The following SIX5 variants were observed in gnomAD, a reference collection of about 807,000 sequenced individuals.
SIX5 encodes homeobox protein SIX5.
Under a neutral mutation model 37.1 loss-of-function variants are expected in SIX5, and 21 were observed. That is an observed-to-expected ratio of 0.57 (90% CI 0.40 to 0.81). SIX5 has a LOEUF of 0.81. Ranked by LOEUF, SIX5 falls within the 40% of genes least tolerant of loss-of-function variation. The probability of loss-of-function intolerance (pLI) is 0.00; values close to 1 mark genes in which losing one functional copy is unlikely to be tolerated. For missense variants in SIX5, 1,137 were observed against 1,025.1 expected (o/e 1.11, Z -1.49); for synonymous variants, 626 against 505.9 (o/e 1.24, Z -3.19).
chr19:45,769,128 C>T lies in SIX5; in HGVS notation c.-284G>A, dbSNP rs929167462. ...GCCTCCCCCCAGCGTGTGCTTCTGG[C>T]TCAGGGCCTCAGTTTCCCCATCGGG... On this transcript the variant is annotated 5_prime_UTR_variant, in exon 1 of 3. Coordinates refer to ENST00000317578, the MANE Select transcript of SIX5 (RefSeq NM_175875.5). 17 of 471,556 alleles carry T rather than the reference C, an allele frequency of 3.6e-5. No individual in the cohort carries two copies. In the East Asian group the frequency reaches 6.3e-4, roughly 18 times the overall value. 29.2% of individuals were successfully genotyped at this position (471,556 alleles called of 1,614,324 possible). A position where few individuals can be genotyped will look rare whatever the true frequency, so the allele number is the denominator to read the frequency against.
chr19:45,767,834 G>A lies in SIX5; in HGVS notation c.803+208C>T, dbSNP rs1239886898. 8 of 589,028 alleles carry A rather than the reference G, an allele frequency of 1.4e-5. No individual in the cohort carries two copies. The East Asian group carries it at 1.7e-4, about 13-fold the overall frequency. 36.5% of individuals were successfully genotyped at this position (589,028 alleles called of 1,614,324 possible). On this transcript the variant is annotated intron_variant, in intron 1 of 2. Coordinates refer to ENST00000317578, the MANE Select transcript of SIX5 (RefSeq NM_175875.5). ...GCTCGGAATGGAGCCGCTGGAAGAG[G>A]AGACGCGTGCGGGGAGAGGGCCCGG...
At chr19:45,767,861 C>A (rs1486984723) in intron 1 of SIX5, 181 bp downstream of exon 1, 1 of 615,626 alleles carries the variant, frequency 1.6e-6, no homozygotes, top group Non-Finnish European at 2.8e-6. Flanking sequence ...AGGGCCCGGG[C>A]GGGTGCCTGT....
Position 45,765,032 on chromosome 19 carries a change from T to G in SIX5, c.*469A>C, listed in dbSNP as rs1600395980. On this transcript the variant is annotated 3_prime_UTR_variant, in exon 3 of 3. Coordinates refer to ENST00000317578, the MANE Select transcript of SIX5 (RefSeq NM_175875.5). ...GCAGGAAATGCCACACTGGGGAGGG[T>G]CTCCAGTCTCAGGGGCGCGGGGCTG... 9 of 204,734 alleles carry G rather than the reference T, an allele frequency of 4.4e-5. No homozygotes were observed. The highest frequency in any genetic ancestry group is 8.7e-5 in the South Asian group (1 of 11,448). 12.7% of individuals were successfully genotyped at this position (204,734 alleles called of 1,614,324 possible). A position where few individuals can be genotyped will look rare whatever the true frequency, so the allele number is the denominator to read the frequency against.
In SIX5 at chr19:45,765,337, C is replaced by T. The variant is rs931303032; in HGVS notation, c.*164G>A. ...GATGGAGACCTGGACAGGAGGTGGC[C>T]GGGGATACAACCCCCAGCACCACCA... On this transcript the variant is annotated 3_prime_UTR_variant, in exon 3 of 3. Transcript: ENST00000317578. The T allele has an allele frequency of 5.1e-5, 49 of 953,276 alleles. No individual in the cohort carries two copies. The highest frequency in any genetic ancestry group is 7.2e-5 in the Non-Finnish European group (43 of 600,926). 59.1% of individuals were successfully genotyped at this position (953,276 alleles called of 1,614,324 possible).
Position 45,768,082 on chromosome 19 carries a change from G to T in SIX5, c.763C>A (p.Arg255Ser). ...CCGCCTCCGGCCCCGGTCCGGTCGC[G>T]CTGTCGCCGGTTCTTGAACCAGTTG... ...VSNWFKNRRQ[R>S]DRTGAGGGAP... The change falls in exon 1 of 3, where the codon CGC becomes AGC. Residue 255 changes from arginine (R) to serine (S), a missense_variant. Physicochemically the swap from Arg to Ser is moderately radical, Grantham distance 110. Transcript: ENST00000317578. 1 of 1,600,400 alleles carries T rather than the reference G, an allele frequency of 6.2e-7. No homozygotes were observed.
chr19:45,769,072 TG>T lies in SIX5; in HGVS notation c.-229del, dbSNP rs1270396132. On this transcript the variant is annotated 5_prime_UTR_variant, in exon 1 of 3. Coordinates refer to ENST00000317578, the MANE Select transcript of SIX5 (RefSeq NM_175875.5). ...TCCCGTCTGTCTGTGATTCTCCCTT[TG>T]TTTTCCCTCCGCCTCTGGCCGCGCT... 34 of 500,220 alleles carry T rather than the reference TG, an allele frequency of 6.8e-5. 1 individual carries two copies. In the South Asian group the frequency reaches 9.4e-4, roughly 14 times the overall value. 31.0% of individuals were successfully genotyped at this position (500,220 alleles called of 1,614,324 possible).
chr19:45,767,259 A>C, intron 1 of SIX5, 104 bp from the exon 2 acceptor site: 1 of 1,240,922 alleles, frequency 8.1e-7, no homozygotes, highest in Non-Finnish European at 1.1e-6. Flanking sequence ...GTTTCGGTGG[A>C]TCATTCCAGG....
rs1969168189 is a variant in SIX5 at position 45,769,057 on chromosome 19, C to T, written c.-213G>A. 8 of 521,632 alleles carry T rather than the reference C, an allele frequency of 1.5e-5. No homozygotes were observed. The South Asian group carries it at 1.8e-4, about 12-fold the overall frequency. 32.3% of individuals were successfully genotyped at this position (521,632 alleles called of 1,614,324 possible). ...GTGTGTCCGTCCCCCTCCCGTCTGT[C>T]TGTGATTCTCCCTTTGTTTTCCCTC... On this transcript the variant is annotated 5_prime_UTR_variant, in exon 1 of 3. Transcript: ENST00000317578.
At position 45,766,339 on chromosome 19, in the gene SIX5, G is replaced by A. The variant is rs989391890; in HGVS notation, c.1609+11C>T. 1.3e-6 allele frequency: 2 copies of A among 1,572,870 alleles called. No homozygotes were observed. The highest frequency in any genetic ancestry group is 2.7e-5 in the African/African-American group (2 of 73,912). On this transcript the variant is annotated intron_variant, in intron 2 of 2. Transcript: ENST00000317578. Reference sequence around the variant, plus strand: ...CTCTCACCTAGGCCTGAGGGAGGGAGATGGGGGTACCTGGGGCAGTGGCCG... The same window carrying A: ...CTCTCACCTAGGCCTGAGGGAGGGAAATGGGGGTACCTGGGGCAGTGGCCG...
Position 45,766,392 on chromosome 19 carries a change from C to T in SIX5, c.1567G>A (p.Val523Met). The part of the protein sequence containing the change: ...PANVHLINSG[V>M]GVTALQLPSA... Reference sequence around the variant, plus strand: ...GGCAGCTGCAGGGCAGTCACGCCCACCCCGGAGTTGATGAGGTGCACATTG... The same window carrying T: ...GGCAGCTGCAGGGCAGTCACGCCCATCCCGGAGTTGATGAGGTGCACATTG... The change falls in exon 2 of 3, where the codon GTG becomes ATG. Residue 523 changes from valine to methionine, a missense_variant. This residue lies in a region of SIX5 where 787 missense variants were observed against 621.4 expected (regional missense o/e 1.27). Coordinates refer to ENST00000317578, the MANE Select transcript of SIX5 (RefSeq NM_175875.5). 6.3e-7 allele frequency: 1 copy of T among 1,589,764 alleles called. No homozygotes were observed. The highest frequency in any genetic ancestry group is 8.6e-7 in the Non-Finnish European group (1 of 1,169,480).
At position 45,765,678 on chromosome 19, in the gene SIX5, C is replaced by T. The variant is rs370312363; in HGVS notation, c.2043G>A (p.Ala681=). 25 of 1,612,666 alleles carry T rather than the reference C, an allele frequency of 1.6e-5. No homozygotes were observed. The highest frequency in any genetic ancestry group is 1.4e-4 in the South Asian group (13 of 91,070). The stretch of plus-strand genomic sequence containing the variant: ...GGGCCTGTGTCCCCAGCCCCTTTTC[C>T]GCTTCCAGCAGCCCCTCTGTTCCTG... ...LSAGTEGLLE[A]EKGLGTQAPH... Residue 681 remains alanine (A), a synonymous_variant, in exon 3 of 3, where the codon GCG becomes GCA. Coordinates refer to ENST00000317578, the MANE Select transcript of SIX5 (RefSeq NM_175875.5).
At position 45,765,817 on chromosome 19, in the gene SIX5, G is replaced by A. The variant is rs776838347; in HGVS notation, c.1904C>T (p.Pro635Leu). 3.1e-6 allele frequency: 5 copies of A among 1,603,384 alleles called. No homozygotes were observed. The highest frequency in any genetic ancestry group is 4.5e-5 in the East Asian group (2 of 44,870). The change falls in exon 3 of 3, where the codon CCC becomes CTC. Residue 635 changes from proline (P) to leucine (L), a missense_variant. Pro to Leu is a moderately conservative substitution (Grantham distance 98). Around this residue, in one of 3 missense-constraint regions of SIX5, gnomAD observed 787 missense variants for 621.4 expected, o/e 1.27. Coordinates refer to ENST00000317578, the MANE Select transcript of SIX5 (RefSeq NM_175875.5). The stretch of plus-strand genomic sequence containing the variant: ...GAGGCCAGGGGAGTCAGGGGAGAAG[G>A]GCAGGCTGGTGCTGGAGGTGGTGGC... ...AAATTSSTSL[P>L]FSPDSPGLLP...
rs374039470 is a variant in SIX5 at position 45,766,046 on chromosome 19, C to T, written c.1675G>A (p.Gly559Ser). The T allele has an allele frequency of 1.1e-5, 17 of 1,611,658 alleles. No homozygotes were observed. The highest frequency in any genetic ancestry group is 8.8e-5 in the South Asian group (8 of 90,714). The change falls in exon 3 of 3, where the codon GGC (glycine) becomes AGC (serine). Residue 559 changes from glycine (G) to serine (S), a missense_variant. Around this residue, in one of 3 missense-constraint regions of SIX5, gnomAD observed 787 missense variants for 621.4 expected, o/e 1.27. Coordinates refer to ENST00000317578, the MANE Select transcript of SIX5 (RefSeq NM_175875.5). ...PIVTGVALQQ[G>S]KIILTATFPT... is the part of the protein sequence containing the mutation. Reference sequence around the variant, plus strand: ...AAGGTGGCGGTGAGGATGATCTTGCCCTGCTGCAGGGCCACACCCGTCACG... The same window carrying T: ...AAGGTGGCGGTGAGGATGATCTTGCTCTGCTGCAGGGCCACACCCGTCACG...
At position 45,766,571 on chromosome 19, in the gene SIX5, G is replaced by A. The variant is rs989423179; in HGVS notation, c.1388C>T (p.Pro463Leu). Residue 463 changes from proline (P) to leucine (L), a missense_variant, in exon 2 of 3, where the codon CCC (proline) becomes CTC (leucine). Physicochemically the swap from Pro to Leu is moderately conservative, Grantham distance 98. This residue lies in a region of SIX5 where 787 missense variants were observed against 621.4 expected (regional missense o/e 1.27). Transcript: ENST00000317578. ...TGGGGAGGTGGGGCTCAGGCCCGTG[G>A]GATACCCCGGGGGTGGGGAGAGCGG... is the stretch of plus-strand genomic sequence containing the variant. ...VVPLSPPPGY[P>L]TGLSPTSPLL... 6.8e-7 allele frequency: 1 copy of A among 1,474,286 alleles called. No homozygotes were observed. The highest frequency in any genetic ancestry group is 9.0e-7 in the Non-Finnish European group (1 of 1,106,390). 91.3% of individuals were successfully genotyped at this position (1,474,286 alleles called of 1,614,324 possible).
chr19:45,768,791 C>T lies in SIX5; in HGVS notation c.54G>A (p.Ala18=), dbSNP rs961787737. The change falls in exon 1 of 3, where the codon GCG becomes GCA. Residue 18 remains alanine, a synonymous_variant. Coordinates refer to ENST00000317578, the MANE Select transcript of SIX5 (RefSeq NM_175875.5). ...CTTCGGTCGCCGCCGCCGCCGCCAC[C>T]GCCTCCCCCCCAGCCGCCGGCCCCG... ...PSAGPAAGGE[A]VAAAAATEEE... The T allele has an allele frequency of 2.8e-5, 43 of 1,529,176 alleles. No individual in the cohort carries two copies. The African/African-American group carries it at 5.1e-4, about 18-fold the overall frequency. 94.7% of individuals were successfully genotyped at this position (1,529,176 alleles called of 1,614,324 possible).
rs1568566820 is a variant in SIX5, at chr19:45,769,028, TTGTG to T, written c.-188_-185del. ...GCTCTCCACTCGGGTCTCTGTCCCC[TTGTG>T]TGTGTCCGTCCCCCTCCCGTCTGTC... On this transcript the variant is annotated 5_prime_UTR_variant, in exon 1 of 3. Coordinates refer to ENST00000317578, the MANE Select transcript of SIX5 (RefSeq NM_175875.5). The T allele has an allele frequency of 1.7e-6, 1 of 578,010 alleles. No homozygotes were observed. The highest frequency in any genetic ancestry group is 3.2e-5 in the East Asian group (1 of 30,960). The allele number at this position is 578,010 out of a possible 1,614,324, so 35.8% of individuals were successfully genotyped here. A position where few individuals can be genotyped will look rare whatever the true frequency, so the allele number is the denominator to read the frequency against.
At chr19:45,767,722 A>G in intron 1 of SIX5, 1 of 437,510 alleles carries the variant, frequency 2.3e-6, no homozygotes, top group Non-Finnish European at 4.1e-6. Flanking sequence ...CGCGGAGTGG[A>G]GTGGCCACAG....
chr19:45,766,342 G>A lies in SIX5; in HGVS notation c.1609+8C>T, dbSNP rs767086160. 8 of 1,574,606 alleles carry A rather than the reference G, an allele frequency of 5.1e-6. No individual in the cohort carries two copies. The highest frequency in any genetic ancestry group is 1.4e-5 in the African/African-American group (1 of 73,962). On this transcript the variant is annotated splice_region_variant and intron_variant, in intron 2 of 2. Coordinates refer to ENST00000317578, the MANE Select transcript of SIX5 (RefSeq NM_175875.5). ...TCACCTAGGCCTGAGGGAGGGAGAT[G>A]GGGGTACCTGGGGCAGTGGCCGAAG...
intron 1 of SIX5, 81 bp from the exon 2 acceptor site, chr19:45,767,236 T>C (rs1240143833): frequency 3.5e-6 from 5 of 1,441,726 alleles, no homozygotes; most frequent in Admixed American, 3.8e-5. Flanking sequence ...TCCCCCACCT[T>C]TCCCTGGCCC....
Sources: allele counts gnomAD v4.1 joint callset, GRCh38; gene constraint gnomAD v4.1.1; regional missense constraint gnomAD v4.1.1; transcripts MANE v1.5; gene names NCBI Gene and HGNC (gene_info 2026-07-23, HGNC 2026-07-21).